Variants in PHKA1 observed in about 807,000 individuals in gnomAD.
The protein encoded by PHKA1 is phosphorylase b kinase regulatory subunit alpha, skeletal muscle isoform.
A neutral mutation model predicts 110.2 loss-of-function variants in PHKA1; 60 were observed. The observed-to-expected ratio is 0.54, with a 90% CI of 0.44 to 0.68. PHKA1 has a LOEUF of 0.68. Ranked by LOEUF, PHKA1 falls within the 30% of genes least tolerant of loss-of-function variation. The pLI, the probability that PHKA1 is intolerant of heterozygous loss-of-function variation, is 0.00. For missense variants in PHKA1, 801 were observed against 942.5 expected, an observed-to-expected ratio of 0.85 and a Z score of 1.97; for synonymous variants, 316 against 333.6, an observed-to-expected ratio of 0.95 and a Z score of 0.58.
At chrX:72,623,927 A>AG (rs2053016573) in intron 17 of PHKA1, among the ~76,000 whole-genome samples, 1 of 111,955 alleles carries the variant, frequency 8.9e-6, no homozygotes, top group East Asian at 2.8e-4. Flanking sequence ...ACAAAATAAA[A>AG]GGGGGGAAGG....
chrX:72,644,425 C>A lies in PHKA1; in HGVS notation c.1396G>T (p.Ala466Ser). Residue 466 changes from alanine (A) to serine (S), a missense_variant, in exon 14 of 32, where the codon GCT becomes TCT. Transcript: ENST00000373542. ...TGTACTCTGATGGGGTATACCTCAG[C>A]AATGGTCTCCACGTAAATTCCCTTG... ...KDKGIYVETI[A>S]EVYPIRVQPA... is the part of the protein sequence containing the mutation. 1 of 1,205,751 alleles carries A rather than the reference C, an allele frequency of 8.3e-7. No individual in the cohort carries two copies.
At chrX:72,682,170 T>C (rs1479235282) in intron 5 of PHKA1, among the ~76,000 whole-genome samples, 1 of 68,734 alleles carries the variant, frequency 1.5e-5, no homozygotes, top group Non-Finnish European at 2.7e-5. Flanking sequence ...GAGGAGCCCC[T>C]CTGCCCGGCC....
chrX:72,623,548 G>A lies in PHKA1; in HGVS notation c.1794-273C>T, dbSNP rs782599286. Among the ~76,000 whole-genome samples the A allele has an allele frequency of 3.6e-5, 4 of 110,873 alleles. No homozygotes were observed. In the South Asian group the frequency reaches 1.6e-3, roughly 43 times the overall value. On this transcript the variant is annotated intron_variant, in intron 17 of 31. Transcript: ENST00000373542. Reference sequence around the variant, plus strand: ...GCTCTCTTCTACTGCCATATATTACGTTGCTAACTATGCCAAACATCTGGT... The same window carrying A: ...GCTCTCTTCTACTGCCATATATTACATTGCTAACTATGCCAAACATCTGGT...
chrX:72,658,785 G>A (rs2053527555), intron 8 of PHKA1, among the ~76,000 whole-genome samples: 1 of 112,312 alleles, frequency 8.9e-6, no homozygotes, highest in Non-Finnish European at 1.9e-5. Flanking sequence ...GCCCTTCTCA[G>A]TGCATTGTAT....
At chrX:72,656,076 A>G (rs1556301262) in intron 10 of PHKA1, 44 bp downstream of exon 10, 4 of 1,198,872 alleles carry the variant, frequency 3.3e-6, no homozygotes, top group Admixed American at 2.2e-5. Flanking sequence ...GTAAGAAGAT[A>G]TAACAAAAAC....
At chrX:72,600,398 T>C (rs1164463265) in intron 28 of PHKA1, among the ~76,000 whole-genome samples, 1 of 111,877 alleles carries the variant, frequency 8.9e-6, no homozygotes, top group Non-Finnish European at 1.9e-5. Context: ...CTATCAACAA[T>C]TATAAAATGT....
chrX:72,711,023 G>C (rs1427872630), intron 2 of PHKA1, among the ~76,000 whole-genome samples: 3 of 105,676 alleles, frequency 2.8e-5, no homozygotes, highest in African/African-American at 3.4e-5. Context: ...TACCACGCCC[G>C]GCTAATTTTT....
intron 29 of PHKA1, among the ~76,000 whole-genome samples, chrX:72,585,312 T>C (rs1440066368): frequency 2.7e-5 from 3 of 111,909 alleles, no homozygotes; most frequent in Non-Finnish European, 5.6e-5. Flanking sequence ...TCAAAATGTA[T>C]GCTTTTCACA....
rs1365821397 is a variant in PHKA1, at chrX:72,578,991, C to T, written c.*2011G>A. 2 of 111,967 alleles carry T rather than the reference C, an allele frequency of 1.8e-5. No homozygotes were observed. Among genetic ancestry groups the T allele is most frequent in the Non-Finnish European group, 3.8e-5 (2 of 53,195 alleles). 9.2% of individuals were successfully genotyped at this position (111,967 alleles called of 1,213,427 possible). A position where few individuals can be genotyped will look rare whatever the true frequency, so the allele number is the denominator to read the frequency against. On this transcript the variant is annotated 3_prime_UTR_variant, in exon 32 of 32. Transcript: ENST00000373542. ...TAAAAGTTGCTTTAAAAGTTAAATA[C>T]CACTGTATGGGGACCATAATGACAC...
intron 29 of PHKA1, among the ~76,000 whole-genome samples, chrX:72,592,515 T>TGGCCCTTAAATTTGAA: frequency 8.9e-6 from 1 of 112,773 alleles, no homozygotes; most frequent in African/African-American, 3.2e-5. Flanking sequence ...TAAATTTCTT[T>TGGCCCTTAAATTTGAA]GGCCAAATAG....
chrX:72,587,847 A>G (rs372433628), intron 29 of PHKA1, among the ~76,000 whole-genome samples: 1 of 112,092 alleles, frequency 8.9e-6, no homozygotes, highest in Non-Finnish European at 1.9e-5. Context: ...AGGCCATTCC[A>G]TAATGGTAAA....
intron 5 of PHKA1, among the ~76,000 whole-genome samples, chrX:72,682,560 T>A (rs1390829485): frequency 1.9e-5 from 2 of 107,483 alleles, no homozygotes; most frequent in African/African-American, 6.7e-5. Flanking sequence ...ATGGGAGACT[T>A]TTCATTTTGT....
At chrX:72,640,186 A>T (rs1208708562) in intron 14 of PHKA1, among the ~76,000 whole-genome samples, 1 of 112,143 alleles carries the variant, frequency 8.9e-6, no homozygotes, top group Non-Finnish European at 1.9e-5. Context: ...TACATAAAAT[A>T]TAAAACTTCT....
At chrX:72,608,760 G>A (rs1331423269) in intron 23 of PHKA1, among the ~76,000 whole-genome samples, 6 of 111,130 alleles carry the variant, frequency 5.4e-5, no homozygotes, top group Non-Finnish European at 1.1e-4. Flanking sequence ...TCTGGATAGA[G>A]TTTAACCAGG....
intron 21 of PHKA1, among the ~76,000 whole-genome samples, chrX:72,616,386 A>G (rs1028408245): frequency 1.3e-4 from 15 of 111,923 alleles, no homozygotes; most frequent in African/African-American, 4.5e-4. Flanking sequence ...ACTTTAAGTA[A>G]AACACTAAAA....
chrX:72,666,160 G>A lies in PHKA1; in HGVS notation c.855C>T (p.Thr285=), dbSNP rs1004871695. The change falls in exon 8 of 32, where the codon ACC becomes ACT. Residue 285 remains threonine (T), a synonymous_variant. Transcript: ENST00000373542. ...GTACATAGGGACATACCTGAAGCTT[G>A]GTGATGATTTCCTGTTTTGTGAGCT... is the stretch of plus-strand genomic sequence containing the variant. The part of the protein sequence containing the change: ...LVELTKQEII[T]KLQGRYGCCR... 6.6e-6 allele frequency: 8 copies of A among 1,209,015 alleles called. No individual in the cohort carries two copies. Among genetic ancestry groups the A allele is most frequent in the East Asian group, 5.9e-5 (2 of 33,762 alleles).
chrX:72,590,152 T>C (rs1198711300), intron 29 of PHKA1, among the ~76,000 whole-genome samples: 1 of 111,647 alleles, frequency 9.0e-6, no homozygotes, highest in African/African-American at 3.3e-5. Context: ...GCTGGAGGCA[T>C]CACGCTACCT....
chrX:72,588,720 A>G (rs1040898869), intron 29 of PHKA1, among the ~76,000 whole-genome samples: 11 of 111,535 alleles, frequency 9.9e-5, no homozygotes, highest in Non-Finnish European at 1.7e-4. Context: ...AATCAAATAG[A>G]CACAATAAAA....
chrX:72,653,471 T>G lies in PHKA1; in HGVS notation c.1101A>C (p.Pro367=), dbSNP rs781803034. 14 of 1,204,870 alleles carry G rather than the reference T, an allele frequency of 1.2e-5. No homozygotes were observed. The highest frequency in any genetic ancestry group is 1.6e-5 in the Non-Finnish European group (14 of 891,232). ...GAACACTGTACAGCTCTGGCAGAAGTGGGACTCCATTTTTGCCCTTGATGA... is the reference window on the plus strand; with the variant it reads ...GAACACTGTACAGCTCTGGCAGAAGGGGGACTCCATTTTTGCCCTTGATGA... ...AVLIKGKNGV[P]LLPELYSVPP... is the part of the protein sequence containing the mutation. Residue 367 remains proline (P), a synonymous_variant, in exon 11 of 32, where the codon CCA becomes CCC. Transcript: ENST00000373542.
Sources: allele counts gnomAD v4.1 joint callset (sites outside exome capture counted in the v4.1 genomes callset), GRCh38; gene constraint gnomAD v4.1.1; transcripts MANE v1.5; gene names NCBI Gene and HGNC (gene_info 2026-07-23, HGNC 2026-07-21).